Variants in ZNF69 observed in about 807,000 individuals in gnomAD.
ZNF69 encodes ZNF3.
A neutral mutation model predicts 50.9 loss-of-function variants in ZNF69; 47 were observed. The observed-to-expected ratio is 0.92, with a 90% CI of 0.73 to 1.18. ZNF69 has a LOEUF of 1.18. Ranked by LOEUF, ZNF69 falls within the 50% of genes most tolerant of loss-of-function variation. ZNF69 has a pLI of 0.00. For synonymous variants in ZNF69, 216 were observed against 223.1 expected (o/e 0.97, Z 0.29); for missense variants, 717 against 675.1 (o/e 1.06, Z -0.69).
At chr19:11,898,261 T>C (rs1256741345) in intron 1 of ZNF69, among the ~76,000 whole-genome samples, 1 of 152,204 alleles carries the variant, frequency 6.6e-6, no homozygotes, top group Admixed American at 6.5e-5. Flanking sequence ...TATGGAATGA[T>C]AGTTAATTCA....
downstream of ZNF69, among the ~76,000 whole-genome samples, chr19:11,907,139 A>G (rs138644472): frequency 0.077 from 11,773 of 152,276 alleles, 496 homozygotes; most frequent in South Asian, 0.097. Context: ...AAAAGAGTAA[A>G]AAGAAATGAA....
At chr19:11,965,146 G>C in the ZNF69 span, 1 of 1,611,232 alleles carries the variant, frequency 6.2e-7, no homozygotes, top group South Asian at 1.1e-5. Flanking sequence ...TGTCTCCTGC[G>C]CTGTGCCCTT....
the ZNF69 span, chr19:11,965,035 C>A: frequency 1.4e-6 from 1 of 723,570 alleles, no homozygotes; most frequent in Non-Finnish European, 2.3e-6. Flanking sequence ...GAGTGGGTCG[C>A]ATTCCTGTCC....
chr19:11,924,866 G>A, the ZNF69 span, among the ~76,000 whole-genome samples: 1 of 152,240 alleles, frequency 6.6e-6, no homozygotes, highest in South Asian at 2.1e-4. Context: ...TGACGCTAGT[G>A]TTCTCTTCTA....
chr19:11,922,197 CA>C, the ZNF69 span, among the ~76,000 whole-genome samples: 1 of 151,924 alleles, frequency 6.6e-6, no homozygotes, highest in African/African-American at 2.4e-5. Flanking sequence ...TTATGTTTTA[CA>C]AATGTCTGTA....
the ZNF69 span, among the ~76,000 whole-genome samples, chr19:11,933,864 A>T: frequency 9.0e-5 from 13 of 144,018 alleles, 1 homozygote; most frequent in African/African-American, 1.4e-4. Context: ...AAAAAAAAAA[A>T]TTTGTTTTTG....
At chr19:11,925,218 G>T in the ZNF69 span, 14 of 1,612,636 alleles carry the variant, frequency 8.7e-6, no homozygotes, top group Admixed American at 1.7e-5. Flanking sequence ...GCTATGCCCT[G>T]CTGTAGTCAC....
At chr19:11,979,243 C>T in the ZNF69 span, 1 of 1,612,730 alleles carries the variant, frequency 6.2e-7, no homozygotes, top group Non-Finnish European at 8.5e-7. Flanking sequence ...CTTTCAGTAT[C>T]ATGAAAGGAC....
chr19:11,933,105 C>G, the ZNF69 span, among the ~76,000 whole-genome samples: 1 of 147,914 alleles, frequency 6.8e-6, no homozygotes, highest in Admixed American at 6.6e-5. Flanking sequence ...CTTCCAAGCT[C>G]ATAGTTCCCC....
intron 1 of ZNF69, among the ~76,000 whole-genome samples, chr19:11,901,978 CTTTTTTTTTTTT>C (rs58505422): frequency 8.4e-6 from 1 of 119,088 alleles, no homozygotes; most frequent in East Asian, 2.3e-4. Context: ...ATGTTATTTT[CTTTTTTTTTTTT>C]TTTTTTTTGA....
the ZNF69 span, chr19:11,950,183 A>G: frequency 1.4e-5 from 22 of 1,613,928 alleles, no homozygotes; most frequent in Non-Finnish European, 1.9e-5. Context: ...TCTTCCTTGC[A>G]TATACACGCA....
At chr19:11,944,147 T>A in the ZNF69 span, among the ~76,000 whole-genome samples, 3 of 152,188 alleles carry the variant, frequency 2.0e-5, no homozygotes, top group Non-Finnish European at 4.4e-5. Flanking sequence ...GTTTCTCGTT[T>A]ACCTAGGCTG....
chr19:11,895,865 T>C (rs1017107599), intron 1 of ZNF69, among the ~76,000 whole-genome samples: 11 of 152,196 alleles, frequency 7.2e-5, no homozygotes, highest in African/African-American at 2.7e-4. Context: ...TTCTGTTAAG[T>C]GTTCACCACT....
chr19:11,946,353 A>G, the ZNF69 span, among the ~76,000 whole-genome samples: 1 of 151,942 alleles, frequency 6.6e-6, no homozygotes, highest in Non-Finnish European at 1.5e-5. Context: ...TCTCTCTTCT[A>G]GGTAAGGACG....
chr19:11,956,603 C>T, the ZNF69 span: 3 of 398,454 alleles, frequency 7.5e-6, no homozygotes, highest in African/African-American at 6.2e-5. Context: ...CACCTGTAAT[C>T]CCAGCACTTT....
At chr19:11,973,492 C>T in the ZNF69 span, among the ~76,000 whole-genome samples, 2 of 152,146 alleles carry the variant, frequency 1.3e-5, no homozygotes, top group African/African-American at 4.8e-5. Context: ...TGGGATTCCT[C>T]TTGTGAGCCA....
rs547733386 is a variant in ZNF69 at position 11,892,379 on chromosome 19, C to T, written c.63+4393C>T. ...CCTTTTCAATTTAAAAGAGTGAATT[C>T]AACATTCCAGCTGAAGACAATGTGA... On this transcript the variant is annotated intron_variant, in intron 1 of 3. Transcript: ENST00000429654. Among the ~76,000 whole-genome samples the T allele has an allele frequency of 2.2e-3, 332 of 152,030 alleles. 1 individual carries two copies. The highest frequency in any genetic ancestry group is 7.8e-3 in the African/African-American group (323 of 41,460).
At chr19:11,956,960 G>A in the ZNF69 span, among the ~76,000 whole-genome samples, 2 of 152,092 alleles carry the variant, frequency 1.3e-5, no homozygotes, top group African/African-American at 2.4e-5. Flanking sequence ...CAGAACCTCA[G>A]ATCCCTGGAA....
chr19:11,910,197 C>A (rs1237402407), downstream of ZNF69, among the ~76,000 whole-genome samples: 43 of 152,180 alleles, frequency 2.8e-4, no homozygotes, highest in Non-Finnish European at 6.3e-4. Flanking sequence ...GAAGAACATT[C>A]CATGCTCGTG....
Sources: gnomAD v4.1 joint callset for allele counts (sites outside exome capture counted in the v4.1 genomes callset) on GRCh38, gnomAD v4.1.1 for gene constraint, MANE v1.5 for transcripts, NCBI Gene and HGNC (gene_info 2026-07-23, HGNC 2026-07-21) for gene names.